The following COL4A1 variants were observed in gnomAD, a reference collection of about 807,000 sequenced individuals.
COL4A1 encodes the protein collagen alpha-1(IV) chain.
In COL4A1, 40 loss-of-function variants were observed where a neutral mutation model predicts 216.6. The observed-to-expected ratio is 0.18, with a 90% CI of 0.14 to 0.24. The LOEUF is 0.24. Ranked by LOEUF, COL4A1 falls within the 10% of genes least tolerant of loss-of-function variation. COL4A1 has a pLI of 1.00. For synonymous variants in COL4A1, 839 were observed against 810.7 expected, an observed-to-expected ratio of 1.03 and a Z score of -0.59; for missense variants, 1,628 against 2,196.8, an observed-to-expected ratio of 0.74 and a Z score of 5.18.
intron 1 of COL4A1, among the ~76,000 whole-genome samples, chr13:110,266,773 T>TA (rs1363105740): frequency 6.6e-6 from 1 of 152,144 alleles, no homozygotes; most frequent in Non-Finnish European, 1.5e-5. Context: ...CTTTACAACT[T>TA]AATCTCAAAT....
At chr13:110,195,945 C>A (rs575768134) in intron 21 of COL4A1, among the ~76,000 whole-genome samples, 1 of 152,142 alleles carries the variant, frequency 6.6e-6, no homozygotes, top group Non-Finnish European at 1.5e-5. Flanking sequence ...CACCTGGACG[C>A]CCTGAGTCCC....
rs114135964 is a variant in COL4A1 at position 110,221,416 on chromosome 13, G to T, written c.145-7401C>A. The stretch of plus-strand genomic sequence containing the variant: ...CAAGAATAACTCAAGGGGGCCCTCA[G>T]TATGGTCTTCTTATAAACAATTTAA... On this transcript the variant is annotated intron_variant, in intron 2 of 51. Coordinates refer to ENST00000375820, the MANE Select transcript of COL4A1 (RefSeq NM_001845.6). Among the ~76,000 whole-genome samples the T allele has an allele frequency of 2.6e-3, 402 of 152,274 alleles. 2 individuals are homozygous for T. The highest frequency in any genetic ancestry group is 8.7e-3 in the African/African-American group (361 of 41,542).
chr13:110,242,761 A>C (rs770153634), intron 1 of COL4A1, 27 bp from the exon 2 acceptor site: 7 of 1,612,856 alleles, frequency 4.3e-6, no homozygotes, highest in Non-Finnish European at 5.9e-6. Flanking sequence ...ACTTCTTTAA[A>C]TAGAAGAACA....
intron 22 of COL4A1, among the ~76,000 whole-genome samples, chr13:110,193,437 G>C (rs1321262752): frequency 1.3e-5 from 2 of 152,202 alleles, no homozygotes. Flanking sequence ...CCCTGAAAAA[G>C]GAGAGGAGAT....
At chr13:110,201,038 G>T in intron 19 of COL4A1, 149 bp from the exon 20 acceptor site, 1 of 818,360 alleles carries the variant, frequency 1.2e-6, no homozygotes. Context: ...GACCACCCGA[G>T]CCCCCACTCT....
At chr13:110,279,365 C>G (rs1046479501) in intron 1 of COL4A1, among the ~76,000 whole-genome samples, 1 of 152,196 alleles carries the variant, frequency 6.6e-6, no homozygotes, top group African/African-American at 2.4e-5. Context: ...CCCCACAATA[C>G]GGGCTCCTTC....
intron 2 of COL4A1, among the ~76,000 whole-genome samples, chr13:110,233,968 T>A (rs1291758913): frequency 6.6e-6 from 1 of 152,264 alleles, no homozygotes; most frequent in Non-Finnish European, 1.5e-5. Context: ...TCCATGTCTA[T>A]GTCTTTCTAT....
intron 49 of COL4A1, among the ~76,000 whole-genome samples, chr13:110,157,239 T>G (rs954074853): frequency 6.6e-6 from 1 of 152,252 alleles, no homozygotes; most frequent in African/African-American, 2.4e-5. Context: ...TCCAGCGGTC[T>G]TTTCGTCAGA....
At chr13:110,241,018 T>C (rs1881542231) in intron 2 of COL4A1, among the ~76,000 whole-genome samples, 1 of 152,124 alleles carries the variant, frequency 6.6e-6, no homozygotes, top group Non-Finnish European at 1.5e-5. Flanking sequence ...TAGAGGTGTG[T>C]GCCACCACGC....
chr13:110,252,568 T>C (rs867635447), intron 1 of COL4A1, among the ~76,000 whole-genome samples: 40 of 42,030 alleles, frequency 9.5e-4, no homozygotes, highest in African/African-American at 2.6e-3. Context: ...ATTATACGTA[T>C]ATATGTATTA....
chr13:110,194,749 C>T (rs754673413), intron 22 of COL4A1, among the ~76,000 whole-genome samples: 4 of 152,126 alleles, frequency 2.6e-5, no homozygotes, highest in Admixed American at 1.3e-4. Context: ...CTGCTGACCA[C>T]GCCCACTGTA....
At chr13:110,302,932 C>T (rs1884552393) in intron 1 of COL4A1, among the ~76,000 whole-genome samples, 2 of 152,148 alleles carry the variant, frequency 1.3e-5, no homozygotes, top group South Asian at 4.1e-4. Flanking sequence ...TGAGGTTAAT[C>T]CTTCTTCAAT....
intron 50 of COL4A1, 60 bp downstream of exon 50, chr13:110,155,223 C>T (rs2275841): frequency 1.7e-5 from 22 of 1,265,094 alleles, no homozygotes; most frequent in East Asian, 9.3e-5. Context: ...CAGACAGAGG[C>T]GACTATGGGG....
chr13:110,199,412 A>C (rs1284715466), intron 20 of COL4A1, among the ~76,000 whole-genome samples: 2 of 152,208 alleles, frequency 1.3e-5, no homozygotes, highest in Admixed American at 1.3e-4. Flanking sequence ...ACAGAGCCTG[A>C]GACATCCAGC....
At chr13:110,212,358 T>A in intron 6 of COL4A1, 59 bp downstream of exon 6, 1 of 1,599,242 alleles carries the variant, frequency 6.3e-7, no homozygotes, top group Non-Finnish European at 8.6e-7. Flanking sequence ...ACCTGACTCC[T>A]TAATATGCAA....
At chr13:110,302,774 T>C (rs1376002284) in intron 1 of COL4A1, among the ~76,000 whole-genome samples, 1 of 152,250 alleles carries the variant, frequency 6.6e-6, no homozygotes, top group Non-Finnish European at 1.5e-5. Context: ...ATGTCTTTTG[T>C]ATTGTTCTAT....
chr13:110,213,939 G>A lies in COL4A1; in HGVS notation c.221C>T (p.Pro74Leu). 6.2e-7 allele frequency: 1 copy of A among 1,613,962 alleles called. No individual in the cohort carries two copies. The highest frequency in any genetic ancestry group is 8.5e-7 in the Non-Finnish European group (1 of 1,179,990). The change falls in exon 3 of 52, where the codon CCA becomes CTA. Residue 74 changes from proline to leucine, a missense_variant. Around this residue, in one of 8 missense-constraint regions of COL4A1, gnomAD observed 150 missense variants for 211.9 expected, o/e 0.71. Transcript: ENST00000375820. The stretch of plus-strand genomic sequence containing the variant: ...AGCCGTGCTTACCTTTTGTCCTGGT[G>A]GTCCCTGTGGCCCCTCAGGTCCTTG... Reference protein sequence around the residue: ...GMQGPEGPQGPPGQKGDTGEP... With the variant: ...GMQGPEGPQGLPGQKGDTGEP...
rs1566385613 is a variant in COL4A1 at position 110,219,828 on chromosome 13, G to GTGTA, written c.145-5814_145-5813insTACA. ...TATATGTGTATATATGTATATATAT[G>GTGTA]TATGTATGTATATATGTGTATATAT... On this transcript the variant is annotated intron_variant, in intron 2 of 51. Transcript: ENST00000375820. Among the ~76,000 whole-genome samples, 29 of 69,578 alleles carry GTGTA rather than the reference G, an allele frequency of 4.2e-4. No homozygotes were observed. The East Asian group carries it at 0.018, about 43-fold the overall frequency. The allele number at this position is 69,578 out of a possible 152,430, so 45.6% of individuals were successfully genotyped here. A position where few individuals can be genotyped will look rare whatever the true frequency, so the allele number is the denominator to read the frequency against.
At chr13:110,169,813 T>TC in intron 42 of COL4A1, 51 bp from the exon 43 acceptor site, 1 of 1,611,280 alleles carries the variant, frequency 6.2e-7, no homozygotes, top group South Asian at 1.1e-5. Flanking sequence ...TGCACAAGTG[T>TC]CCCTGGGCTG....
Sources: gnomAD v4.1 joint callset for allele counts (sites outside exome capture counted in the v4.1 genomes callset) on GRCh38, gnomAD v4.1.1 for gene constraint, gnomAD v4.1.1 regional missense constraint, MANE v1.5 for transcripts, NCBI Gene and HGNC (gene_info 2026-07-23, HGNC 2026-07-21) for gene names.